Variants in TSEN15 observed in about 807,000 individuals in gnomAD.
TSEN15 encodes tRNA-splicing endonuclease subunit Sen15.
Under a neutral mutation model 20.5 loss-of-function variants are expected in TSEN15, and 10 were observed. The observed-to-expected ratio is 0.49, with a 90% CI of 0.30 to 0.83. TSEN15 has a LOEUF of 0.83. TSEN15 is among the 40% of genes least tolerant of loss of function. The pLI is 0.06. For missense variants in TSEN15, 180 were observed against 218.6 expected, an observed-to-expected ratio of 0.82 and a Z score of 1.11; for synonymous variants, 72 against 80.1, an observed-to-expected ratio of 0.90 and a Z score of 0.54.
At chr1:184,070,517 A>G (rs1048912704) in intron 3 of TSEN15, 4 of 416,028 alleles carry the variant, frequency 9.6e-6, no homozygotes, top group African/African-American at 8.3e-5. Context: ...ATTTTAGTTG[A>G]TCCATTGTCT....
chr1:184,063,537 A>G (rs1002763312), intron 3 of TSEN15, among the ~76,000 whole-genome samples: 1 of 152,310 alleles, frequency 6.6e-6, no homozygotes, highest in East Asian at 1.9e-4. Flanking sequence ...AATGCATATC[A>G]TATCCTATTT....
At chr1:184,075,326 C>A (rs1429188152), downstream of TSEN15, among the ~76,000 whole-genome samples, 1 of 152,022 alleles carries the variant, frequency 6.6e-6, no homozygotes, top group Non-Finnish European at 1.5e-5. Context: ...GAAAGGGAGG[C>A]CACCCAGCTG....
intron 3 of TSEN15, among the ~76,000 whole-genome samples, chr1:184,067,941 AATATATATATAT>A (rs58463457): frequency 3.1e-5 from 3 of 95,602 alleles, no homozygotes; most frequent in African/African-American, 1.3e-4. Context: ...AAAAAAAAAA[AATATATATATAT>A]ATATATATAT....
intron 1 of TSEN15, among the ~76,000 whole-genome samples, chr1:184,052,362 A>G (rs1307574689): frequency 6.6e-6 from 1 of 152,202 alleles, no homozygotes; most frequent in Non-Finnish European, 1.5e-5. Flanking sequence ...GCAGATTCCT[A>G]ATATTTCAGA....
In TSEN15 at chr1:184,052,620, C is replaced by T. The variant is rs185152079; in HGVS notation, c.135+730C>T. ...AGAATTGCACTCTTCTGCTAGAGAG[C>T]AATAATTCATAATCATCTAAAAACA... On this transcript the variant is annotated intron_variant, in intron 1 of 4. Transcript: ENST00000645668. 9.3e-4 allele frequency among the ~76,000 whole-genome samples: 141 copies of T among 152,138 alleles called. 2 individuals carry two copies. The highest frequency in any genetic ancestry group is 9.0e-3 in the Admixed American group (138 of 15,278).
chr1:184,083,530 A>T (rs923911640), intron 3 of TSEN15, among the ~76,000 whole-genome samples: 2 of 152,166 alleles, frequency 1.3e-5, no homozygotes, highest in African/African-American at 4.8e-5. Context: ...CTACTTAGAA[A>T]TGGTAATTCC....
rs1008407008 is a variant in TSEN15 at position 184,055,207 on chromosome 1, A to G, written c.353+344A>G. ...GGAAGTTCGTGAAGCAAGAGCAGGCACATCATATGGCAAAAGCAGGAGTGA... is the reference window on the plus strand; with the variant it reads ...GGAAGTTCGTGAAGCAAGAGCAGGCGCATCATATGGCAAAAGCAGGAGTGA... On this transcript the variant is annotated intron_variant, in intron 3 of 4. Transcript: ENST00000645668. The G allele has an allele frequency of 1.2e-4, 22 of 188,658 alleles. 1 individual carries two copies. In the Admixed American group the frequency reaches 1.2e-3, roughly 11 times the overall value. The allele number at this position is 188,658 out of a possible 1,614,324, so 11.7% of individuals were successfully genotyped here. A position where few individuals can be genotyped will look rare whatever the true frequency, so the allele number is the denominator to read the frequency against.
intron 3 of TSEN15, chr1:184,070,808 T>A: frequency 2.1e-6 from 1 of 468,124 alleles, no homozygotes; most frequent in Non-Finnish European, 3.1e-6. Context: ...TTCTTGTGAA[T>A]AAGAATCTAG....
chr1:184,055,593 A>G (rs1431803093), intron 3 of TSEN15, among the ~76,000 whole-genome samples: 3 of 152,226 alleles, frequency 2.0e-5, no homozygotes, highest in African/African-American at 7.2e-5. Context: ...TATACTTTAT[A>G]TAGCAGTTGG....
At chr1:184,077,236 A>G (rs1418344442), downstream of TSEN15, among the ~76,000 whole-genome samples, 1 of 152,148 alleles carries the variant, frequency 6.6e-6, no homozygotes, top group East Asian at 1.9e-4. Context: ...TGGAGTCCTT[A>G]AGAATTACGC....
intron 4 of TSEN15, 127 bp downstream of exon 4, chr1:184,072,425 A>T: frequency 1.1e-6 from 1 of 928,022 alleles, no homozygotes; most frequent in Non-Finnish European, 1.5e-6. Flanking sequence ...CAAGAAAAAA[A>T]GTCTTGATTT....
chr1:184,063,762 G>A (rs186424246), intron 3 of TSEN15, among the ~76,000 whole-genome samples: 114 of 151,904 alleles, frequency 7.5e-4, no homozygotes, highest in Non-Finnish European at 1.5e-4. Flanking sequence ...ATAAATGGAC[G>A]AATTATTTAT....
intron 3 of TSEN15, among the ~76,000 whole-genome samples, chr1:184,065,710 G>T (rs972209297): frequency 2.8e-4 from 42 of 152,150 alleles, no homozygotes; most frequent in African/African-American, 9.9e-4. Flanking sequence ...GCACACAATG[G>T]CATCTCATTG....
At chr1:184,058,703 T>A (rs2102881366) in intron 3 of TSEN15, among the ~76,000 whole-genome samples, 1 of 152,140 alleles carries the variant, frequency 6.6e-6, no homozygotes, top group Middle Eastern at 3.4e-3. Flanking sequence ...AGCAAAGAAA[T>A]TCATTGGGAC....
At chr1:184,058,074 GA>G in intron 3 of TSEN15, 4 of 349,784 alleles carry the variant, frequency 1.1e-5, no homozygotes, top group South Asian at 9.3e-5. Context: ...TAAAATTAAT[GA>G]AAGCAATAGC....
chr1:184,073,215 C>A lies in TSEN15; in HGVS notation c.*368C>A, dbSNP rs776056316. The A allele has an allele frequency of 4.2e-4, 82 of 193,320 alleles. No homozygotes were observed. The highest frequency in any genetic ancestry group is 7.3e-4 in the Non-Finnish European group (70 of 96,336). 12.0% of individuals were successfully genotyped at this position (193,320 alleles called of 1,614,324 possible). ...CAGCTCATTGTTGAGACTGCCATTTCTTTCTCTTACTCAGCTCTCCCCAGT... is the reference window on the plus strand; with the variant it reads ...CAGCTCATTGTTGAGACTGCCATTTATTTCTCTTACTCAGCTCTCCCCAGT... On this transcript the variant is annotated 3_prime_UTR_variant, in exon 5 of 5. Coordinates refer to ENST00000645668, the MANE Select transcript of TSEN15 (RefSeq NM_052965.4).
rs561834079 is a variant in TSEN15 at position 184,087,009 on chromosome 1, T to G, written c.354-8681T>G. Among the ~76,000 whole-genome samples, 387 of 152,276 alleles carry G rather than the reference T, an allele frequency of 2.5e-3. 1 individual carries two copies. Among genetic ancestry groups the G allele is most frequent in the Non-Finnish European group, 3.9e-3 (265 of 68,014 alleles). On this transcript the variant is annotated intron_variant, in intron 3 of 3. Coordinates refer to the TSEN15 transcript ENST00000643231. ...TAGTTAAGGCCATTTTAATTTTCAC[T>G]TAAAAGGGACTGTATAAAATTCTAG...
At chr1:184,068,518 T>C (rs944065421) in intron 3 of TSEN15, among the ~76,000 whole-genome samples, 13 of 152,180 alleles carry the variant, frequency 8.5e-5, no homozygotes, top group African/African-American at 3.1e-4. Flanking sequence ...TTTTTTTTTC[T>C]CTTACCCTTA....
Position 184,057,367 on chromosome 1 carries a change from A to G in TSEN15, c.353+2504A>G, listed in dbSNP as rs192994774. Among the ~76,000 whole-genome samples the G allele has an allele frequency of 3.2e-4, 49 of 152,254 alleles. No individual in the cohort carries two copies. In the East Asian group the frequency reaches 8.5e-3, roughly 26 times the overall value. On this transcript the variant is annotated intron_variant, in intron 3 of 4. Coordinates refer to ENST00000645668, the MANE Select transcript of TSEN15 (RefSeq NM_052965.4). ...AAACACAGCTCTATTTGGGTGGCAT[A>G]TAAGTAGGGAAAAGAGCAGAGCCTC...
Sources: allele counts gnomAD v4.1 joint callset (sites outside exome capture counted in the v4.1 genomes callset), GRCh38; gene constraint gnomAD v4.1.1; transcripts MANE v1.5; gene names NCBI Gene and HGNC (gene_info 2026-07-23, HGNC 2026-07-21).